The following NEBL variants were observed in gnomAD, a reference collection of about 807,000 sequenced individuals.
The protein encoded by NEBL is LIM and SH3 protein 2.
Under a neutral mutation model 140.2 loss-of-function variants are expected in NEBL, and 122 were observed. That is an observed-to-expected ratio of 0.87 (90% CI 0.75 to 1.01). The LOEUF (loss-of-function observed/expected upper bound fraction) is 1.01. Ranked by LOEUF, NEBL falls within the 50% of genes least tolerant of loss-of-function variation. The probability of loss-of-function intolerance (pLI) is 0.00; values close to 1 mark genes in which losing one functional copy is unlikely to be tolerated. For missense variants in NEBL, 1,365 were observed against 1,231.3 expected (o/e 1.11, Z -1.62); for synonymous variants, 436 against 398.9 (o/e 1.09, Z -1.11).
Position 20,815,676 on chromosome 10 carries a change from A to G in NEBL, c.2190T>C (p.Ser730=), listed in dbSNP as rs371975934. 8.0e-5 allele frequency: 129 copies of G among 1,612,838 alleles called. 1 individual carries two copies. The highest frequency in any genetic ancestry group is 1.0e-4 in the Non-Finnish European group (121 of 1,179,038). Reference sequence around the variant, plus strand: ...TCACTCTTTCCATTTCAGGAGTTACACTTAAAGTGGTAGCTCTTCCCAGCT... The same window carrying G: ...TCACTCTTTCCATTTCAGGAGTTACGCTTAAAGTGGTAGCTCTTCCCAGCT... ...RGQLGRATTL[S]VTPEMERVKK... Residue 730 remains serine, a synonymous_variant, in exon 22 of 28, where the codon AGT becomes AGC. Coordinates refer to ENST00000377122, the MANE Select transcript of NEBL (RefSeq NM_006393.3).
chr10:21,175,958 A>G (rs1391597779), upstream of NEBL, among the ~76,000 whole-genome samples: 3 of 152,178 alleles, frequency 2.0e-5, no homozygotes. Context: ...ATAGCTGATT[A>G]CATCTAACCT....
intron 3 of NEBL, among the ~76,000 whole-genome samples, chr10:21,231,728 C>G (rs1039955390): frequency 1.3e-5 from 2 of 151,932 alleles, no homozygotes; most frequent in African/African-American, 4.8e-5. Context: ...CGAGGCAAAA[C>G]GAATTTGCCA....
intron 4 of NEBL, among the ~76,000 whole-genome samples, chr10:20,938,688 GA>G (rs1197271947): frequency 1.3e-5 from 2 of 151,884 alleles, no homozygotes; most frequent in African/African-American, 4.8e-5. Flanking sequence ...TTAAAAACTT[GA>G]AAAAAAATTA....
chr10:21,181,874 G>C (rs987361649), intron 3 of NEBL, among the ~76,000 whole-genome samples: 5 of 152,090 alleles, frequency 3.3e-5, no homozygotes, highest in African/African-American at 1.2e-4. Context: ...AAAACATGTT[G>C]ACTGGCCCAG....
At chr10:21,082,535 TAAAAAA>T (rs61234594) in intron 2 of NEBL, among the ~76,000 whole-genome samples, 11 of 117,294 alleles carry the variant, frequency 9.4e-5, no homozygotes, top group African/African-American at 2.0e-4. Context: ...CCACCACCAC[TAAAAAA>T]AAAAAAAAAA....
At chr10:21,017,805 C>T (rs906859613) in intron 3 of NEBL, among the ~76,000 whole-genome samples, 10 of 151,844 alleles carry the variant, frequency 6.6e-5, no homozygotes, top group Non-Finnish European at 1.3e-4. Flanking sequence ...GGAGTCCAAT[C>T]CACACTGATT....
chr10:21,033,826 G>A (rs1230325215), intron 2 of NEBL, among the ~76,000 whole-genome samples: 3 of 151,270 alleles, frequency 2.0e-5, no homozygotes, highest in Non-Finnish European at 4.4e-5. Context: ...TATGGCTCTC[G>A]TTTGGCTCTC....
chr10:20,819,319 G>C (rs980157459), intron 20 of NEBL, 105 bp downstream of exon 20: 1 of 1,563,596 alleles, frequency 6.4e-7, no homozygotes, highest in East Asian at 2.3e-5. Context: ...TTGGTTTTAC[G>C]TTCCTGTGTT....
chr10:20,974,760 T>A (rs1043758019), intron 3 of NEBL, among the ~76,000 whole-genome samples: 1 of 152,176 alleles, frequency 6.6e-6, no homozygotes, highest in African/African-American at 2.4e-5. Flanking sequence ...TAAAATGACC[T>A]GTAAAATAAC....
rs769829088 is a variant in NEBL at position 20,961,791 on chromosome 10, G to C, written c.250-12C>G. 6 of 1,600,298 alleles carry C rather than the reference G, an allele frequency of 3.7e-6. No individual in the cohort carries two copies. In the Admixed American group the frequency reaches 5.0e-5, roughly 13 times the overall value. On this transcript the variant is annotated splice_polypyrimidine_tract_variant and intron_variant, in intron 3 of 6. Transcript: ENST00000417816. ...CTTTTGTACTTGACCTAACAAGAAG[G>C]GGGAAAAGAAAAGTGAACAGAGGGA... is the stretch of plus-strand genomic sequence containing the variant.
At chr10:21,259,731 C>T (rs1842712806) in intron 1 of NEBL, among the ~76,000 whole-genome samples, 1 of 152,200 alleles carries the variant, frequency 6.6e-6, no homozygotes, top group South Asian at 2.1e-4. Flanking sequence ...AGCAGAATTG[C>T]ACCCCACGTG....
At chr10:20,863,456 A>T (rs776146989) in intron 7 of NEBL, among the ~76,000 whole-genome samples, 11 of 152,250 alleles carry the variant, frequency 7.2e-5, no homozygotes, top group Non-Finnish European at 1.3e-4. Context: ...TATAGATATC[A>T]ATCCCCAGCA....
chr10:21,183,717 C>T (rs557209743), intron 3 of NEBL, among the ~76,000 whole-genome samples: 5 of 152,238 alleles, frequency 3.3e-5, no homozygotes, highest in African/African-American at 7.2e-5. Flanking sequence ...ACTTGCAGGC[C>T]GGACATAAGG....
intron 3 of NEBL, among the ~76,000 whole-genome samples, chr10:21,208,450 T>A (rs1841864880): frequency 1.3e-5 from 2 of 152,208 alleles, no homozygotes; most frequent in African/African-American, 4.8e-5. Context: ...GCTGACCTCA[T>A]GATTAATGCT....
intron 4 of NEBL, among the ~76,000 whole-genome samples, chr10:20,881,674 C>T (rs1212971076): frequency 6.6e-6 from 1 of 152,178 alleles, no homozygotes; most frequent in Non-Finnish European, 1.5e-5. Context: ...TATCTATCTT[C>T]CCTTACTAAA....
At chr10:21,264,085 C>T (rs764910219) in intron 1 of NEBL, among the ~76,000 whole-genome samples, 2 of 152,198 alleles carry the variant, frequency 1.3e-5, no homozygotes, top group Admixed American at 6.5e-5. Flanking sequence ...TTCTCTGCTA[C>T]AGTATTCCTC....
At position 21,097,980 on chromosome 10, in the gene NEBL, C is replaced by T. The variant is rs45459693; in HGVS notation, c.164+74403G>A. ...TGTGACCCTACGTGAAATGAACATT[C>T]GTAATAATCTCCTTTTGAATCTTGA... On this transcript the variant is annotated intron_variant, in intron 2 of 6. Transcript: ENST00000417816. 6.8e-3 allele frequency among the ~76,000 whole-genome samples: 1,040 copies of T among 152,224 alleles called. 9 individuals carry two copies. Among genetic ancestry groups the T allele is most frequent in the Non-Finnish European group, 9.9e-3 (672 of 68,026 alleles).
At chr10:20,922,888 A>G (rs949445020) in intron 4 of NEBL, among the ~76,000 whole-genome samples, 4 of 152,202 alleles carry the variant, frequency 2.6e-5, no homozygotes, top group Non-Finnish European at 5.9e-5. Flanking sequence ...GTAAAATGAA[A>G]TGATAATACC....
chr10:20,913,004 C>T (rs773245626), intron 4 of NEBL, among the ~76,000 whole-genome samples: 1 of 151,520 alleles, frequency 6.6e-6, no homozygotes, highest in East Asian at 1.9e-4. Context: ...TCAAATGATC[C>T]TCCTGTCTCA....
Sources: gnomAD v4.1 joint callset for allele counts (sites outside exome capture counted in the v4.1 genomes callset) on GRCh38, gnomAD v4.1.1 for gene constraint, MANE v1.5 for transcripts, NCBI Gene and HGNC (gene_info 2026-07-23, HGNC 2026-07-21) for gene names.